Variants in DGKB observed in about 807,000 individuals in gnomAD.
DGKB encodes the protein diacylglycerol kinase beta.
A neutral mutation model predicts 114.3 loss-of-function variants in DGKB; 67 were observed. The observed-to-expected ratio is 0.59, with a 90% CI of 0.48 to 0.72. The LOEUF is 0.72. Ranked by LOEUF, DGKB falls within the 30% of genes least tolerant of loss-of-function variation. DGKB has a pLI of 0.00. For missense variants in DGKB, 907 were observed against 975.2 expected, an observed-to-expected ratio of 0.93 and a Z score of 0.93; for synonymous variants, 398 against 323.1, an observed-to-expected ratio of 1.23 and a Z score of -2.49.
At chr7:14,284,074 G>A (rs918314801) in intron 23 of DGKB, among the ~76,000 whole-genome samples, 28 of 152,160 alleles carry the variant, frequency 1.8e-4, no homozygotes, top group Non-Finnish European at 1.3e-4. Context: ...AGAGTGAACA[G>A]GCAACCTACA....
intron 1 of DGKB, among the ~76,000 whole-genome samples, chr7:14,875,741 A>C (rs1386006116): frequency 6.6e-6 from 1 of 152,118 alleles, no homozygotes; most frequent in African/African-American, 2.4e-5. Flanking sequence ...ACGTTGGGCC[A>C]CATGTGGCCC....
chr7:14,463,493 CCT>C (rs1833392809), intron 21 of DGKB, among the ~76,000 whole-genome samples: 1 of 152,116 alleles, frequency 6.6e-6, no homozygotes, highest in Admixed American at 6.6e-5. Context: ...AGTATTTTCT[CCT>C]TTGCATCCTC....
At chr7:14,258,465 A>G (rs1197148347) in intron 23 of DGKB, among the ~76,000 whole-genome samples, 1 of 152,208 alleles carries the variant, frequency 6.6e-6, no homozygotes, top group Non-Finnish European at 1.5e-5. Context: ...TGAAATTTAT[A>G]AACAGCTGAA....
At chr7:14,315,651 C>A (rs1203377030) in intron 23 of DGKB, among the ~76,000 whole-genome samples, 1 of 146,474 alleles carries the variant, frequency 6.8e-6, no homozygotes, top group Admixed American at 6.7e-5. Context: ...GAGTGACCTA[C>A]AAAGAGACTT....
intron 23 of DGKB, among the ~76,000 whole-genome samples, chr7:14,242,689 A>G (rs1203189405): frequency 1.3e-5 from 2 of 152,106 alleles, no homozygotes; most frequent in African/African-American, 4.8e-5. Context: ...CTTATAAGAT[A>G]AGTCATAAAA....
chr7:14,321,944 T>C (rs570710390), intron 23 of DGKB, among the ~76,000 whole-genome samples: 10 of 152,316 alleles, frequency 6.6e-5, no homozygotes, highest in Admixed American at 3.3e-4. Context: ...AAAATGCCAA[T>C]TGTCCCTAAA....
chr7:14,828,983 G>A (rs145314927), intron 2 of DGKB, among the ~76,000 whole-genome samples: 31 of 152,158 alleles, frequency 2.0e-4, no homozygotes, highest in African/African-American at 7.0e-4. Flanking sequence ...AAGCAAGAAT[G>A]TAAGTCAGAA....
At chr7:14,284,020 T>C (rs1365393085) in intron 23 of DGKB, among the ~76,000 whole-genome samples, 1 of 152,180 alleles carries the variant, frequency 6.6e-6, no homozygotes, top group African/African-American at 2.4e-5. Flanking sequence ...AAATGGGGTC[T>C]AATTAAATTA....
intron 2 of DGKB, among the ~76,000 whole-genome samples, chr7:14,825,594 A>G (rs1041434545): frequency 2.6e-5 from 4 of 152,110 alleles, no homozygotes; most frequent in Admixed American, 6.5e-5. Flanking sequence ...TGGTAATGCA[A>G]GCGATGGCGA....
chr7:14,422,001 A>T (rs935144864), intron 21 of DGKB, among the ~76,000 whole-genome samples: 4 of 152,000 alleles, frequency 2.6e-5, no homozygotes, highest in African/African-American at 9.7e-5. Context: ...AAGCTATTAC[A>T]GCCTTCTGGG....
intron 12 of DGKB, among the ~76,000 whole-genome samples, chr7:14,678,243 G>A (rs1318546299): frequency 6.6e-6 from 1 of 152,032 alleles, no homozygotes; most frequent in Non-Finnish European, 1.5e-5. Flanking sequence ...ACAGGAGCGG[G>A]CCACAGTTAA....
At chr7:14,893,402 C>T (rs1781605022) in intron 1 of DGKB, among the ~76,000 whole-genome samples, 1 of 151,344 alleles carries the variant, frequency 6.6e-6, no homozygotes, top group South Asian at 2.1e-4. Context: ...TGTTTTCTTC[C>T]TCTATAACAA....
intron 21 of DGKB, among the ~76,000 whole-genome samples, chr7:14,350,322 AT>A (rs1247566703): frequency 6.6e-6 from 1 of 152,016 alleles, no homozygotes; most frequent in Non-Finnish European, 1.5e-5. Flanking sequence ...TTTCCTTGGA[AT>A]TTTTCTTCCT....
At chr7:14,391,314 C>T (rs1051231729) in intron 21 of DGKB, among the ~76,000 whole-genome samples, 1 of 152,096 alleles carries the variant, frequency 6.6e-6, no homozygotes, top group Non-Finnish European at 1.5e-5. Context: ...TCAACTTTCT[C>T]ACTATCACCT....
intron 23 of DGKB, among the ~76,000 whole-genome samples, chr7:14,202,351 C>G (rs1384556609): frequency 6.6e-6 from 1 of 151,922 alleles, no homozygotes; most frequent in African/African-American, 2.4e-5. Flanking sequence ...CATAATTCCT[C>G]TCAACATCAT....
At chr7:14,936,193 T>C (rs191834608) in intron 1 of DGKB, among the ~76,000 whole-genome samples, 3 of 152,324 alleles carry the variant, frequency 2.0e-5, no homozygotes, top group African/African-American at 7.2e-5. Flanking sequence ...GATTGGACTG[T>C]ACAAACAAGA....
At chr7:14,810,225 A>G (rs1843256326) in intron 2 of DGKB, among the ~76,000 whole-genome samples, 1 of 152,188 alleles carries the variant, frequency 6.6e-6, no homozygotes, top group South Asian at 2.1e-4. Context: ...GCCATTCTCA[A>G]GATGCTACAA....
intron 1 of DGKB, among the ~76,000 whole-genome samples, chr7:14,914,751 G>A (rs1292645448): frequency 1.3e-5 from 2 of 151,856 alleles, no homozygotes; most frequent in African/African-American, 2.4e-5. Flanking sequence ...AGGATCTAAC[G>A]GAAAAAGTAG....
At chr7:14,627,960 A>AAC (rs1554555776) in intron 14 of DGKB, among the ~76,000 whole-genome samples, 4 of 151,770 alleles carry the variant, frequency 2.6e-5, no homozygotes, top group African/African-American at 2.4e-5. Flanking sequence ...CAAAAAAAAA[A>AAC]AACAACAAAA....
Sources: allele counts gnomAD v4.1 joint callset (sites outside exome capture counted in the v4.1 genomes callset), GRCh38; gene constraint gnomAD v4.1.1; transcripts MANE v1.5; gene names NCBI Gene and HGNC (gene_info 2026-07-23, HGNC 2026-07-21).